AZI2: variants seen among roughly 807,000 people sequenced by gnomAD.
AZI2 encodes the protein 5-azacytidine induced 2, also known as 5-azacytidine-induced protein 2.
In AZI2, 22 loss-of-function variants were observed where a neutral mutation model predicts 45.8. The ratio of observed to expected loss-of-function variants is 0.48; its 90% CI spans 0.34 to 0.69. The LOEUF (loss-of-function observed/expected upper bound fraction) is 0.69, where lower values mean the gene tolerates loss of function less well. AZI2 is among the 30% of genes least tolerant of loss of function. The pLI, the probability that AZI2 is intolerant of heterozygous loss-of-function variation, is 0.01. For missense variants in AZI2, 417 were observed against 441.5 expected, an observed-to-expected ratio of 0.94 and a Z score of 0.50; for synonymous variants, 137 against 156.7, an observed-to-expected ratio of 0.87 and a Z score of 0.94.
Position 28,334,840 on chromosome 3 carries a change from A to G in AZI2, c.588+1897T>C, listed in dbSNP as rs534367765. Among the ~76,000 whole-genome samples the G allele has an allele frequency of 2.1e-4, 32 of 152,132 alleles. No homozygotes were observed. In the South Asian group the frequency reaches 5.8e-3, roughly 28 times the overall value. On this transcript the variant is annotated intron_variant, in intron 5 of 7. Transcript: ENST00000479665. Reference sequence around the variant, plus strand: ...TTACTCTAATCAAATTTTTTAAAAAAGCATTTACCTACTGAACATACTATA... The same window carrying G: ...TTACTCTAATCAAATTTTTTAAAAAGGCATTTACCTACTGAACATACTATA...
intron 1 of AZI2, among the ~76,000 whole-genome samples, chr3:28,343,627 T>C (rs1253829691): frequency 6.6e-6 from 1 of 151,996 alleles, no homozygotes; most frequent in African/African-American, 2.4e-5. Context: ...GACTACCCTA[T>C]GAGGTACAAA....
chr3:28,338,740 GGTGA>G lies in AZI2; in HGVS notation c.217-129_217-126del, dbSNP rs1410957591. ...AAGGGGATAAAGCCTGGATTCATTA[GGTGA>G]GTATTTCATTTCCACAAATTAATCT... On this transcript the variant is annotated intron_variant, in intron 2 of 7. Transcript: ENST00000479665. 1.4e-5 allele frequency: 12 copies of G among 829,956 alleles called. No individual in the cohort carries two copies. In the Admixed American group the frequency reaches 2.5e-4, roughly 17 times the overall value. 51.4% of individuals were successfully genotyped at this position (829,956 alleles called of 1,614,324 possible).
At chr3:28,347,700 A>C (rs1388761875) in intron 1 of AZI2, among the ~76,000 whole-genome samples, 3 of 152,228 alleles carry the variant, frequency 2.0e-5, no homozygotes, top group African/African-American at 4.8e-5. Flanking sequence ...CTACTTGCGT[A>C]AGATGTCTGG....
At chr3:28,324,587 C>T (rs912649003) in intron 7 of AZI2, 133 bp from the exon 8 acceptor site, 32 of 730,042 alleles carry the variant, frequency 4.4e-5, no homozygotes, top group Admixed American at 1.1e-4. Flanking sequence ...ATCATTGAGG[C>T]ACTGTGACTA....
At position 28,323,879 on chromosome 3, in the gene AZI2, CTA is replaced by C; in HGVS notation, c.*161_*162del. 4.2e-6 allele frequency: 3 copies of C among 706,440 alleles called. No homozygotes were observed. The highest frequency in any genetic ancestry group is 2.6e-5 in the South Asian group (1 of 37,896). The allele number at this position is 706,440 out of a possible 1,614,324, so 43.8% of individuals were successfully genotyped here. On this transcript the variant is annotated 3_prime_UTR_variant, in exon 8 of 8. Transcript: ENST00000479665. Reference sequence around the variant, plus strand: ...GTGCTCTTTCATACTAGAAAACCAACTATGTTGGTTTTTGTACTATTGTACAG... The same window carrying C: ...GTGCTCTTTCATACTAGAAAACCAACTGTTGGTTTTTGTACTATTGTACAG...
intron 2 of AZI2, among the ~76,000 whole-genome samples, chr3:28,339,561 C>T (rs560602337): frequency 3.9e-4 from 59 of 152,072 alleles, no homozygotes; most frequent in African/African-American, 1.4e-3. Flanking sequence ...ATTTTACAAC[C>T]GACTCCTTTT....
Position 28,342,741 on chromosome 3 carries a change from ACAC to A in AZI2, c.-5-2122_-5-2120del, listed in dbSNP as rs1559463876. On this transcript the variant is annotated intron_variant, in intron 1 of 7. Transcript: ENST00000479665. Reference sequence around the variant, plus strand: ...CACACACACACACACACACACACACACACACACTCCCCTTAAAAGTAGAGCAAG... The same window carrying A: ...CACACACACACACACACACACACACAACACTCCCCTTAAAAGTAGAGCAAG... Among the ~76,000 whole-genome samples the A allele has an allele frequency of 6.8e-5, 9 of 133,266 alleles. No individual in the cohort carries two copies. The South Asian group carries it at 2.1e-3, about 31-fold the overall frequency. The allele number at this position is 133,266 out of a possible 152,430, so 87.4% of individuals were successfully genotyped here.
rs202034489 is a variant in AZI2 at position 28,328,570 on chromosome 3, C to CA, written c.648-1621dup. Among the ~76,000 whole-genome samples the CA allele has an allele frequency of 6.2e-4, 94 of 151,228 alleles. 3 individuals carry two copies. In the East Asian group the frequency reaches 0.016, roughly 26 times the overall value. On this transcript the variant is annotated intron_variant, in intron 6 of 7. Transcript: ENST00000479665. ...AAATAAACAATTCTAGTAACGTTTA[C>CA]AGTGCCTAATAAAAACTTTTCAGTT...
At chr3:28,330,007 T>C (rs995833325) in intron 6 of AZI2, among the ~76,000 whole-genome samples, 1 of 151,242 alleles carries the variant, frequency 6.6e-6, no homozygotes, top group African/African-American at 2.4e-5. Flanking sequence ...ACTAACCTAA[T>C]CTTTTTTTTT....
At chr3:28,326,140 T>C (rs1703378264) in intron 7 of AZI2, among the ~76,000 whole-genome samples, 1 of 151,140 alleles carries the variant, frequency 6.6e-6, no homozygotes, top group African/African-American at 2.4e-5. Context: ...TTCAGAAATA[T>C]ACCTGTTATG....
intron 1 of AZI2, among the ~76,000 whole-genome samples, chr3:28,342,534 A>C (rs1254037358): frequency 6.6e-6 from 1 of 152,018 alleles, no homozygotes; most frequent in Admixed American, 6.6e-5. Context: ...CCTCTAAAAG[A>C]GTTTACTTTT....
At chr3:28,338,457 C>A in intron 3 of AZI2, 36 bp downstream of exon 3, 1 of 1,480,182 alleles carries the variant, frequency 6.8e-7, no homozygotes, top group South Asian at 1.5e-5. Context: ...AATTCATTTC[C>A]AAAATGCAGA....
intron 5 of AZI2, among the ~76,000 whole-genome samples, chr3:28,334,666 C>T (rs1017314692): frequency 1.2e-4 from 18 of 152,008 alleles, no homozygotes; most frequent in African/African-American, 3.4e-4. Flanking sequence ...CTCTAAAAGT[C>T]TGTTTCTGTG....
intron 1 of AZI2, chr3:28,341,769 G>C (rs1324672527): frequency 6.6e-6 from 1 of 152,006 alleles, no homozygotes; most frequent in East Asian, 1.9e-4. Context: ...ATTATCAATT[G>C]AATTTCATGT....
Position 28,340,628 on chromosome 3 carries a change from T to G in AZI2, c.-5-6A>C. 6.4e-7 allele frequency: 1 copy of G among 1,569,900 alleles called. No individual in the cohort carries two copies. Among genetic ancestry groups the G allele is most frequent in the South Asian group, 1.2e-5 (1 of 83,660 alleles). On this transcript the variant is annotated splice_polypyrimidine_tract_variant and splice_region_variant and intron_variant, in intron 1 of 7. Transcript: ENST00000479665. ...TACCAGTGCATCCATGACAACTGTT[T>G]AAAAGAAAAAAAATATGAGTGACAA...
chr3:28,322,529 C>T lies in AZI2; in HGVS notation c.*1513G>A, dbSNP rs538570570. ...TTAGAGATCAGATATAATATACAGC[C>T]TATGCAGCCACATGAGAAATAGTTT... On this transcript the variant is annotated 3_prime_UTR_variant, in exon 8 of 8. Transcript: ENST00000479665. The T allele has an allele frequency of 5.9e-5, 9 of 151,640 alleles. No individual in the cohort carries two copies. The East Asian group carries it at 1.6e-3, about 26-fold the overall frequency. 9.4% of individuals were successfully genotyped at this position (151,640 alleles called of 1,614,324 possible).
At chr3:28,338,217 T>C (rs1227607913) in intron 3 of AZI2, among the ~76,000 whole-genome samples, 181 bp from the exon 4 acceptor site, 1 of 150,308 alleles carries the variant, frequency 6.7e-6, no homozygotes, top group Non-Finnish European at 1.5e-5. Flanking sequence ...CATTATTCAC[T>C]GGCTTAAAAA....
chr3:28,337,943 G>T lies in AZI2; in HGVS notation c.433C>A (p.Gln145Lys). Residue 145 changes from glutamine to lysine, a missense_variant, in exon 4 of 8, where the codon CAG (glutamine) becomes AAG (lysine). Transcript: ENST00000479665. ...LLQLRTEVET[Q>K]QVMRNLNPPS... ...TAACAAGTAACTGGCATACCCTGCT[G>T]AGTTTCCACCTCTGTCCTCAGCTGG... The T allele has an allele frequency of 6.4e-7, 1 of 1,559,832 alleles. No individual in the cohort carries two copies. The highest frequency in any genetic ancestry group is 8.7e-7 in the Non-Finnish European group (1 of 1,147,822).
intron 1 of AZI2, among the ~76,000 whole-genome samples, chr3:28,341,917 AT>A (rs986485932): frequency 6.6e-6 from 1 of 152,020 alleles, no homozygotes; most frequent in African/African-American, 2.4e-5. Context: ...GAATTTAAGT[AT>A]TTTTTCCAAA....
Sources: allele counts gnomAD v4.1 joint callset (sites outside exome capture counted in the v4.1 genomes callset), GRCh38; gene constraint gnomAD v4.1.1; transcripts MANE v1.5; gene names NCBI Gene and HGNC (gene_info 2026-07-23, HGNC 2026-07-21).